Variants in NPIPB2 observed in about 807,000 individuals in gnomAD.
NPIPB2 encodes nuclear pore complex-interacting protein family member B2.
In NPIPB2, 27 loss-of-function variants were observed where a neutral mutation model predicts 30.8. The observed-to-expected ratio is 0.88, with a 90% CI of 0.65 to 1.21. The LOEUF (loss-of-function observed/expected upper bound fraction) is 1.21, where lower values mean the gene tolerates loss of function less well. Ranked by LOEUF, NPIPB2 falls within the 50% of genes most tolerant of loss-of-function variation. The pLI is 0.00. For missense variants in NPIPB2, 440 were observed against 446.2 expected, an observed-to-expected ratio of 0.99 and a Z score of 0.13; for synonymous variants, 147 against 162.0, an observed-to-expected ratio of 0.91 and a Z score of 0.70.
intron 1 of NPIPB2, among the ~76,000 whole-genome samples, chr16:11,967,377 C>G (rs1417626640): frequency 6.6e-6 from 1 of 152,156 alleles, no homozygotes; most frequent in African/African-American, 2.4e-5. Flanking sequence ...CCCGACTGCT[C>G]TGTAGGCTAA....
intron 4 of NPIPB2, among the ~76,000 whole-genome samples, chr16:11,932,502 G>A (rs1001795275): frequency 2.0e-5 from 3 of 152,030 alleles, no homozygotes; most frequent in Non-Finnish European, 4.4e-5. Context: ...ATTGGGCTGG[G>A]AACGGTGGCT....
chr16:11,937,290 C>T (rs1194818822), intron 2 of NPIPB2, among the ~76,000 whole-genome samples: 3 of 152,158 alleles, frequency 2.0e-5, no homozygotes, highest in Non-Finnish European at 4.4e-5. Flanking sequence ...TGACAAATAG[C>T]ACAAAGGTTA....
chr16:11,934,687 C>T (rs901511753), intron 2 of NPIPB2, among the ~76,000 whole-genome samples: 4 of 151,256 alleles, frequency 2.6e-5, no homozygotes, highest in Admixed American at 6.6e-5. Context: ...GGTGAAACCC[C>T]GTCTCTACTA....
rs1411088675 is a variant in NPIPB2 at position 11,940,490 on chromosome 16, C to T, written c.63+1493G>A. ...GCGCGGTGGCTCACGCCTGTAATCCCAGCACTGGGAGGCTGAGGCAGGCGG... is the reference window on the plus strand; with the variant it reads ...GCGCGGTGGCTCACGCCTGTAATCCTAGCACTGGGAGGCTGAGGCAGGCGG... On this transcript the variant is annotated intron_variant, in intron 1 of 7. Coordinates refer to ENST00000399147, the Ensembl canonical transcript of NPIPB2. Among the ~76,000 whole-genome samples the T allele has an allele frequency of 6.0e-5, 9 of 149,990 alleles. No homozygotes were observed. The South Asian group carries it at 1.9e-3, about 31-fold the overall frequency.
intron 1 of NPIPB2, among the ~76,000 whole-genome samples, chr16:11,955,378 G>T (rs529345237): frequency 1.4e-5 from 2 of 140,812 alleles, no homozygotes; most frequent in Non-Finnish European, 3.0e-5. Flanking sequence ...AAAAAAAAAG[G>T]TTTCGGGATT....
chr16:11,936,068 G>C (rs1446933507), intron 2 of NPIPB2, among the ~76,000 whole-genome samples: 1 of 149,640 alleles, frequency 6.7e-6, no homozygotes, highest in African/African-American at 2.5e-5. Context: ...ACTTGGGGAG[G>C]CTGAGGTGGG....
At chr16:11,933,557 G>A in exon 4 of NPIPB2, 3 of 1,597,080 alleles carry the variant, frequency 1.9e-6, no homozygotes, top group South Asian at 1.1e-5. Context: ...ATTTTGTCAT[G>A]ATGGTTGATT....
intron 1 of NPIPB2, among the ~76,000 whole-genome samples, chr16:11,950,246 G>A (rs544185413): frequency 1.3e-5 from 2 of 152,020 alleles, no homozygotes; most frequent in African/African-American, 4.8e-5. Context: ...CTGTTGGCTG[G>A]GCTTGTCTTG....
intron 1 of NPIPB2, chr16:11,967,597 T>A: frequency 6.2e-7 from 1 of 1,613,932 alleles, no homozygotes; most frequent in Non-Finnish European, 8.5e-7. Flanking sequence ...ATGGCTAACA[T>A]TGACCTGGAA....
At position 11,968,970 on chromosome 16, in the gene NPIPB2, G is replaced by A. The variant is rs377672237; in HGVS notation, c.-584+7598C>T. ...CAACCTCCACCTCTCAGGTTCAAGC[G>A]ATTCTCTTGCCTCAGCCTCCCGAGT... On this transcript the variant is annotated intron_variant, in intron 1 of 5. Transcript: ENST00000538896. 3.2e-4 allele frequency among the ~76,000 whole-genome samples: 48 copies of A among 151,532 alleles called. 1 individual carries two copies. Among genetic ancestry groups the A allele is most frequent in the Admixed American group, 8.6e-4 (13 of 15,186 alleles).
chr16:11,931,729 G>T (rs1463380380), intron 4 of NPIPB2, among the ~76,000 whole-genome samples: 1 of 139,882 alleles, frequency 7.1e-6, no homozygotes, highest in Admixed American at 7.3e-5. Context: ...GTTGACATAA[G>T]TGCATCTGAA....
intron 1 of NPIPB2, among the ~76,000 whole-genome samples, chr16:11,938,144 G>A (rs559042684): frequency 0.018 from 2,759 of 151,832 alleles, 77 homozygotes; most frequent in African/African-American, 0.063. Context: ...TCAGCCTCCC[G>A]AGTAGCTGAG....
intron 1 of NPIPB2, among the ~76,000 whole-genome samples, chr16:11,957,326 G>A (rs771911245): frequency 1.3e-5 from 2 of 151,910 alleles, no homozygotes; most frequent in Admixed American, 6.6e-5. Flanking sequence ...CACCACGCCC[G>A]GCTAAGTTTT....
chr16:11,949,743 C>T (rs952873820), intron 1 of NPIPB2, among the ~76,000 whole-genome samples: 2 of 152,160 alleles, frequency 1.3e-5, no homozygotes, highest in African/African-American at 2.4e-5. Context: ...AAGTAAAGGG[C>T]AGCCTTGCTC....
intron 1 of NPIPB2, among the ~76,000 whole-genome samples, chr16:11,969,115 C>T (rs564234188): frequency 3.7e-4 from 56 of 151,746 alleles, no homozygotes; most frequent in African/African-American, 1.3e-3. Flanking sequence ...GATTCACCTG[C>T]CTTGGCCTCC....
chr16:11,966,298 G>A (rs746848257), intron 1 of NPIPB2: 2 of 1,613,980 alleles, frequency 1.2e-6, no homozygotes, highest in Admixed American at 1.7e-5. Flanking sequence ...TTTTGCTAAG[G>A]AAGATAAACT....
At chr16:11,942,323 C>T (rs564178021), upstream of NPIPB2, among the ~76,000 whole-genome samples, 9 of 147,580 alleles carry the variant, frequency 6.1e-5, no homozygotes, top group Admixed American at 4.2e-4. Context: ...TTCAAAGTGC[C>T]CTTATAAGAC....
intron 1 of NPIPB2, chr16:11,967,917 T>TGTA: frequency 2.0e-6 from 3 of 1,525,540 alleles, no homozygotes; most frequent in Non-Finnish European, 2.7e-6. Context: ...GTCAGATCTC[T>TGTA]TTAGGATGAC....
upstream of NPIPB2, among the ~76,000 whole-genome samples, chr16:11,946,837 C>T (rs933355591): frequency 4.0e-5 from 6 of 151,720 alleles, no homozygotes; most frequent in Non-Finnish European, 8.8e-5. Flanking sequence ...AACATAAACT[C>T]GCCTCCTGAG....
Sources: gnomAD v4.1 joint callset for allele counts (sites outside exome capture counted in the v4.1 genomes callset) on GRCh38, gnomAD v4.1.1 for gene constraint, MANE v1.5 for transcripts, NCBI Gene and HGNC (gene_info 2026-07-23, HGNC 2026-07-21) for gene names.